Variants in SLC2A14 observed in about 807,000 individuals in gnomAD.
SLC2A14 encodes solute carrier family 2 member 14.
Under a neutral mutation model 43.0 loss-of-function variants are expected in SLC2A14, and 13 were observed. The ratio of observed to expected loss-of-function variants is 0.30; its 90% CI spans 0.20 to 0.48. SLC2A14 has a LOEUF of 0.48. Among genes scored for constraint, SLC2A14 ranks in the 20% least tolerant of loss-of-function variants. The pLI is 0.99. For missense variants in SLC2A14, 428 were observed against 620.4 expected (o/e 0.69, Z 3.29); for synonymous variants, 190 against 233.8 (o/e 0.81, Z 1.71).
At chr12:7,840,698 T>C (rs1439164486) in intron 2 of SLC2A14, among the ~76,000 whole-genome samples, 1 of 152,218 alleles carries the variant, frequency 6.6e-6, no homozygotes, top group Non-Finnish European at 1.5e-5. Flanking sequence ...TGTTGTTTTG[T>C]TATAGCAGCA....
At chr12:7,881,175 G>A (rs1289456038) in intron 1 of SLC2A14, among the ~76,000 whole-genome samples, 1 of 152,104 alleles carries the variant, frequency 6.6e-6, no homozygotes, top group Non-Finnish European at 1.5e-5. Flanking sequence ...CTCCCACTTT[G>A]GCGGCACGTG....
chr12:7,847,476 A>T (rs1866563710), intron 2 of SLC2A14, among the ~76,000 whole-genome samples: 1 of 152,206 alleles, frequency 6.6e-6, no homozygotes, highest in Admixed American at 6.5e-5. Context: ...AAGGGAAAAC[A>T]GATGACAGGT....
intron 2 of SLC2A14, among the ~76,000 whole-genome samples, chr12:7,856,890 T>C (rs1402435284): frequency 2.0e-5 from 3 of 151,694 alleles, no homozygotes; most frequent in Non-Finnish European, 4.4e-5. Context: ...CAGGTTGGAA[T>C]GCAAAGTTTT....
intron 2 of SLC2A14, among the ~76,000 whole-genome samples, chr12:7,840,614 A>C (rs1592218623): frequency 6.6e-6 from 1 of 151,942 alleles, no homozygotes; most frequent in South Asian, 2.1e-4. Flanking sequence ...TCAAACTCCT[A>C]ACCTCAGGTG....
upstream of SLC2A14, among the ~76,000 whole-genome samples, chr12:7,878,076 G>A (rs750107677): frequency 7.3e-5 from 11 of 151,702 alleles, no homozygotes; most frequent in South Asian, 2.1e-3. Flanking sequence ...TTGAGACAGA[G>A]TTTCACTCTT....
At chr12:7,826,907 TTC>T (rs62684161) in intron 7 of SLC2A14, among the ~76,000 whole-genome samples, 5,295 of 63,012 alleles carry the variant, frequency 0.084, 698 homozygotes, top group East Asian at 0.16. Context: ...CTTTCTTTCT[TTC>T]TTTCTTTTTC....
chr12:7,821,856 T>C (rs1863940311), intron 7 of SLC2A14, among the ~76,000 whole-genome samples: 1 of 146,404 alleles, frequency 6.8e-6, no homozygotes, highest in South Asian at 2.2e-4. Context: ...ATGGAGTCTC[T>C]CTCTGTTGCC....
At position 7,817,960 on chromosome 12, in the gene SLC2A14, T is replaced by A; in HGVS notation, c.1146A>T (p.Pro382=). The A allele has an allele frequency of 6.2e-7, 1 of 1,614,116 alleles. No individual in the cohort carries two copies. The highest frequency in any genetic ancestry group is 8.5e-7 in the Non-Finnish European group (1 of 1,180,036). Residue 382 remains proline, a synonymous_variant, in exon 10 of 11, where the codon CCA becomes CCT. Coordinates refer to ENST00000431042, the MANE Select transcript of SLC2A14 (RefSeq NM_001286234.2). ...CCACAATAAACCAGGGAATGGGGCC[T>A]GGTCCAATTTCAAAACAGGCCACAA... ...LVFVACFEIG[P]GPIPWFIVAE...
chr12:7,878,748 G>A (rs1945508066), intron 1 of SLC2A14, among the ~76,000 whole-genome samples: 1 of 151,744 alleles, frequency 6.6e-6, no homozygotes, highest in Non-Finnish European at 1.5e-5. Flanking sequence ...GGAGGCCAAG[G>A]TGGGCGGATC....
At chr12:7,862,627 T>G (rs1396649607) in intron 2 of SLC2A14, among the ~76,000 whole-genome samples, 1 of 152,146 alleles carries the variant, frequency 6.6e-6, no homozygotes, top group Non-Finnish European at 1.5e-5. Flanking sequence ...CGTGATCCAC[T>G]AGGTGAAGCC....
intron 7 of SLC2A14, among the ~76,000 whole-genome samples, chr12:7,825,639 T>C (rs1864291114): frequency 6.6e-6 from 1 of 151,124 alleles, no homozygotes. Flanking sequence ...GGCACGTGCC[T>C]GTAGTCCCAG....
chr12:7,853,706 C>T (rs1375752734), intron 2 of SLC2A14, among the ~76,000 whole-genome samples: 3 of 152,166 alleles, frequency 2.0e-5, no homozygotes, highest in Non-Finnish European at 4.4e-5. Flanking sequence ...TATGATTATT[C>T]TGGTCACGTT....
chr12:7,845,465 T>C (rs1288520634), intron 2 of SLC2A14, among the ~76,000 whole-genome samples: 3 of 152,064 alleles, frequency 2.0e-5, no homozygotes, highest in Admixed American at 1.3e-4. Context: ...AACATCAGAA[T>C]CTCCCAGGAT....
Position 7,856,744 on chromosome 12 carries a change from G to A in SLC2A14, c.18+13119C>T, listed in dbSNP as rs141182385. Among the ~76,000 whole-genome samples, 594 of 152,178 alleles carry A rather than the reference G, an allele frequency of 3.9e-3. 3 individuals carry two copies. Among genetic ancestry groups the A allele is most frequent in the African/African-American group, 0.013 (560 of 41,518 alleles). On this transcript the variant is annotated intron_variant, in intron 2 of 10. Coordinates refer to ENST00000431042, the MANE Select transcript of SLC2A14 (RefSeq NM_001286234.2). ...GAGGCTGTTAGACATACAAATTCTC[G>A]GCTCCACCCCAGGCCTGCTGAGTCA...
At chr12:7,888,733 G>A (rs2121128645) in intron 1 of SLC2A14, among the ~76,000 whole-genome samples, 1 of 144,722 alleles carries the variant, frequency 6.9e-6, no homozygotes, top group South Asian at 2.2e-4. Flanking sequence ...GGGAGGTAGA[G>A]GTTGCAGTGA....
chr12:7,826,869 C>CCT (rs1565507744), intron 7 of SLC2A14, among the ~76,000 whole-genome samples: 15 of 33,938 alleles, frequency 4.4e-4, no homozygotes, highest in Non-Finnish European at 6.4e-4. Context: ...TTTTTTCTTT[C>CCT]TTTCTTTCTT....
At chr12:7,827,077 T>C (rs146831661) in intron 7 of SLC2A14, among the ~76,000 whole-genome samples, 61 of 43,070 alleles carry the variant, frequency 1.4e-3, no homozygotes, top group South Asian at 9.6e-3. Flanking sequence ...CTCTCTCTCT[T>C]TCTTTCTTTC....
rs796339024 is a variant in SLC2A14, at chr12:7,867,301, CAAAAA to C, written c.18+2557_18+2561del. On this transcript the variant is annotated intron_variant, in intron 2 of 10. Coordinates refer to ENST00000431042, the MANE Select transcript of SLC2A14 (RefSeq NM_001286234.2). ...GTCTCAAAAAAAAAAAAAAAAAAAACAAAAAAAACATTCGTGATTCATGGGAGGAG... is the reference window on the plus strand; with the variant it reads ...GTCTCAAAAAAAAAAAAAAAAAAAACAAACATTCGTGATTCATGGGAGGAG... 2.6e-3 allele frequency among the ~76,000 whole-genome samples: 88 copies of C among 34,332 alleles called. 3 individuals are homozygous for C. Among genetic ancestry groups the C allele is most frequent in the South Asian group, 0.016 (19 of 1,178 alleles). The allele number at this position is 34,332 out of a possible 152,430, so 22.5% of individuals were successfully genotyped here.
chr12:7,828,660 C>A (rs773397622), intron 6 of SLC2A14, 44 bp downstream of exon 6: 5 of 1,603,018 alleles, frequency 3.1e-6, no homozygotes, highest in Non-Finnish European at 3.4e-6. Context: ...TTAAAACAAA[C>A]CACAACCATA....
Sources: gnomAD v4.1 joint callset for allele counts (sites outside exome capture counted in the v4.1 genomes callset) on GRCh38, gnomAD v4.1.1 for gene constraint, MANE v1.5 for transcripts, NCBI Gene and HGNC (gene_info 2026-07-23, HGNC 2026-07-21) for gene names.